The following BSG variants were observed in gnomAD, a reference collection of about 807,000 sequenced individuals.
BSG encodes the protein basigin (Ok blood group), also known as basigin.
BSG carries 37 observed loss-of-function variants against 43.1 expected under a neutral mutation model. The ratio of observed to expected loss-of-function variants is 0.86; its 90% CI spans 0.66 to 1.13. The LOEUF (loss-of-function observed/expected upper bound fraction) is 1.13, where lower values mean the gene tolerates loss of function less well. Among genes scored for constraint, BSG ranks in the 50% most tolerant of loss-of-function variants. BSG has a pLI of 0.00. For synonymous variants in BSG, 309 were observed against 238.7 expected (o/e 1.29, Z -2.72); for missense variants, 599 against 554.2 (o/e 1.08, Z -0.81).
rs751093729 is a variant in BSG, at chr19:577,790, G to A, written c.84G>A (p.Ala28=). ...TCCCCACAGCCGGCTTCGTCCAGGC[G>A]CCGCTGTCCCAGCAGAGGTGGGTGG... ...GASGAAGFVQ[A]PLSQQRWVGG... is the part of the protein sequence containing the mutation. The change falls in exon 2 of 9, where the codon GCG becomes GCA. Residue 28 remains alanine, a synonymous_variant. Transcript: ENST00000333511. 1.4e-5 allele frequency: 20 copies of A among 1,422,748 alleles called. No homozygotes were observed. The highest frequency in any genetic ancestry group is 6.4e-5 in the South Asian group (4 of 62,910). 88.1% of individuals were successfully genotyped at this position (1,422,748 alleles called of 1,614,324 possible). A position where few individuals can be genotyped will look rare whatever the true frequency, so the allele number is the denominator to read the frequency against.
chr19:582,414 G>A (rs1982404236), intron 7 of BSG, 84 bp downstream of exon 7: 3 of 1,598,578 alleles, frequency 1.9e-6, no homozygotes, highest in African/African-American at 2.7e-5. Context: ...GAGCCCCTGG[G>A]CTTCAGTATT....
At chr19:579,247 A>T (rs1262641185) in intron 2 of BSG, 1 of 594,890 alleles carries the variant, frequency 1.7e-6, no homozygotes, top group Non-Finnish European at 3.1e-6. Flanking sequence ...GCCAGCTGCC[A>T]GCGAAGGGTG....
At chr19:581,289 C>T (rs757195046) in intron 5 of BSG, 26 bp from the exon 6 acceptor site, 3 of 1,598,986 alleles carry the variant, frequency 1.9e-6, no homozygotes, top group South Asian at 2.2e-5. Flanking sequence ...GGGTCCTGGA[C>T]TCAGCCCTTG....
chr19:578,862 C>G (rs1422086165), intron 2 of BSG: 2 of 370,308 alleles, frequency 5.4e-6, no homozygotes, highest in African/African-American at 4.2e-5. Flanking sequence ...TCCTGAGTAG[C>G]TGGGATTACA....
chr19:577,687 G>A (rs1165126469), intron 1 of BSG, 87 bp from the exon 2 acceptor site: 8 of 1,142,566 alleles, frequency 7.0e-6, no homozygotes, highest in Non-Finnish European at 9.1e-6. Context: ...GCCCTGGCTG[G>A]GAGTCCTGTG....
intron 2 of BSG, 93 bp from the exon 3 acceptor site, chr19:579,407 T>A: frequency 2.6e-6 from 4 of 1,548,784 alleles, no homozygotes; most frequent in Non-Finnish European, 1.8e-6. Context: ...AACCAGTCCT[T>A]CCCGGGGAGG....
rs748945041 is a variant in BSG at position 581,315 on chromosome 19, G to T, written c.793G>T (p.Ala265Ser). ...WYKITDSEDKALMNGSESRFF... is the reference protein window; with the variant it reads ...WYKITDSEDKSLMNGSESRFF... ...TCAGCCCTTGCCTTTGGTCCCCTAG[G>T]CCCTCATGAACGGCTCCGAGAGCAG... Residue 265 changes from alanine (A) to serine (S), a missense_variant and splice_region_variant, in exon 6 of 9, where the codon GCC (alanine) becomes TCC (serine). Physicochemically the swap from Ala to Ser is moderately conservative, Grantham distance 99. Transcript: ENST00000333511. The T allele has an allele frequency of 2.5e-6, 4 of 1,610,862 alleles. No homozygotes were observed. The highest frequency in any genetic ancestry group is 2.2e-5 in the South Asian group (2 of 90,932).
chr19:578,053 G>A lies in BSG; in HGVS notation c.347G>A (p.Arg116His), dbSNP rs921829535. ...YECRASNDPD[R>H]NHLTRAPRVK... Reference sequence around the variant, plus strand: ...TGCCGGGCCAGCAACGACCCGGATCGCAACCACCTGACCCGGGCGCCCAGG... The same window carrying A: ...TGCCGGGCCAGCAACGACCCGGATCACAACCACCTGACCCGGGCGCCCAGG... The change falls in exon 2 of 9, where the codon CGC (arginine) becomes CAC (histidine). Residue 116 changes from arginine (R) to histidine (H), a missense_variant. Coordinates refer to ENST00000333511, the MANE Select transcript of BSG (RefSeq NM_001728.4). 4 of 1,610,352 alleles carry A rather than the reference G, an allele frequency of 2.5e-6. No individual in the cohort carries two copies. The highest frequency in any genetic ancestry group is 2.2e-5 in the South Asian group (2 of 90,774).
chr19:579,690 C>G lies in BSG; in HGVS notation c.572+34C>G, dbSNP rs747324316. ...CTGACCACGCCATGCCGCCACCTGC[C>G]CCTTCTCACGGCTCTCTTGCCGCCA... On this transcript the variant is annotated intron_variant, in intron 3 of 8. Coordinates refer to ENST00000333511, the MANE Select transcript of BSG (RefSeq NM_001728.4). 1.2e-5 allele frequency: 19 copies of G among 1,576,792 alleles called. No individual in the cohort carries two copies. In the East Asian group the frequency reaches 2.0e-4, roughly 17 times the overall value.
chr19:571,924 G>T (rs534604742), upstream of BSG, among the ~76,000 whole-genome samples: 1 of 152,182 alleles, frequency 6.6e-6, no homozygotes, highest in Admixed American at 6.6e-5. Context: ...AGACCTGGAA[G>T]TTGAGTTTCT....
chr19:581,850 C>T (rs1008761489), intron 6 of BSG, among the ~76,000 whole-genome samples: 10 of 152,272 alleles, frequency 6.6e-5, no homozygotes, highest in Non-Finnish European at 1.2e-4. Context: ...CCCTCCCGCT[C>T]ACTTGGCTGC....
upstream of BSG, chr19:572,415 C>T (rs1568345417): frequency 8.9e-7 from 1 of 1,129,326 alleles, no homozygotes; most frequent in Non-Finnish European, 1.1e-6. Flanking sequence ...CGTGCGCCGC[C>T]GCCCGGATTC....
chr19:571,944 C>T (rs1229556175), upstream of BSG, among the ~76,000 whole-genome samples: 2 of 152,148 alleles, frequency 1.3e-5, no homozygotes, highest in African/African-American at 2.4e-5. Flanking sequence ...TGAAGAGGAA[C>T]TTACTTGTCC....
In BSG at chr19:581,507, C is replaced by G; in HGVS notation, c.985C>G (p.Leu329Val). The change falls in exon 6 of 9, where the codon CTG becomes GTG. Residue 329 changes from leucine (L) to valine (V), a missense_variant. By Grantham distance (32) the Leu-to-Val change is conservative. Transcript: ENST00000333511. ...RSHLAALWPF[L>V]GIVAEVLVLV... The stretch of plus-strand genomic sequence containing the variant: ...CCACCTGGCCGCCCTCTGGCCCTTC[C>G]TGGGCATCGTGGCTGAGGTGCTGGT... The G allele has an allele frequency of 6.3e-7, 1 of 1,597,952 alleles. No homozygotes were observed. The highest frequency in any genetic ancestry group is 8.5e-7 in the Non-Finnish European group (1 of 1,173,050).
Position 582,542 on chromosome 19 carries a change from A to G in BSG, c.1123A>G (p.Lys375Glu). ...LKSSGQHQND[K>E]GKNVRQRNSS ...GAGCAGCGGGCAGCACCAGAATGAC[A>G]AAGGCAAGAACGTCCGCCAGAGGAA... Residue 375 changes from lysine (K) to glutamate (E), a missense_variant, in exon 8 of 9, where the codon AAA becomes GAA. Coordinates refer to ENST00000333511, the MANE Select transcript of BSG (RefSeq NM_001728.4). The G allele has an allele frequency of 6.3e-7, 1 of 1,589,620 alleles. No homozygotes were observed. Among genetic ancestry groups the G allele is most frequent in the Non-Finnish European group, 8.6e-7 (1 of 1,167,056 alleles).
chr19:578,242 T>A, intron 2 of BSG, 121 bp downstream of exon 2: 2 of 1,056,196 alleles, frequency 1.9e-6, no homozygotes, highest in Non-Finnish European at 2.6e-6. Context: ...TGTGCCCCGT[T>A]GGGCCCACCG....
At chr19:579,679 C>T (rs2145898308) in intron 3 of BSG, 23 bp downstream of exon 3, 2 of 1,584,652 alleles carry the variant, frequency 1.3e-6, no homozygotes, top group East Asian at 2.2e-5. Flanking sequence ...CCACGCCATG[C>T]CGCCACCTGC....
rs907132353 is a variant in BSG, at chr19:574,485, G to A, written c.67+1784G>A. Among the ~76,000 whole-genome samples the A allele has an allele frequency of 1.3e-5, 2 of 152,096 alleles. 1 individual carries two copies. Among genetic ancestry groups the A allele is most frequent in the South Asian group, 4.1e-4 (2 of 4,832 alleles). ...GGAGAATGGTGTGAACCAGGGAGGC[G>A]GAGCTTGCAGTGAGCCGAGATCGCG... On this transcript the variant is annotated intron_variant, in intron 1 of 8. Transcript: ENST00000333511.
upstream of BSG, chr19:572,185 C>G (rs1267369077): frequency 1.8e-5 from 3 of 168,338 alleles, no homozygotes; most frequent in Admixed American, 6.5e-5. Flanking sequence ...GCGATCTTCC[C>G]GCCTCGACCT....
Sources: gnomAD v4.1 joint callset for allele counts (sites outside exome capture counted in the v4.1 genomes callset) on GRCh38, gnomAD v4.1.1 for gene constraint, MANE v1.5 for transcripts, NCBI Gene and HGNC (gene_info 2026-07-23, HGNC 2026-07-21) for gene names.